Variants in AGMO observed in about 807,000 individuals in gnomAD.
AGMO encodes alkylglycerol monooxygenase.
A neutral mutation model predicts 60.2 loss-of-function variants in AGMO; 75 were observed. The observed-to-expected ratio is 1.25, with a 90% confidence interval of 1.03 to 1.51. AGMO has a LOEUF of 1.51. AGMO is among the 40% of genes most tolerant of loss of function. AGMO has a pLI of 0.00. For missense variants in AGMO, 763 were observed against 525.5 expected, an observed-to-expected ratio of 1.45 and a Z score of -4.42; for synonymous variants, 261 against 177.1, an observed-to-expected ratio of 1.47 and a Z score of -3.76.
chr7:15,387,036 G>C (rs941193224), intron 9 of AGMO, among the ~76,000 whole-genome samples: 3 of 152,122 alleles, frequency 2.0e-5, no homozygotes, highest in Admixed American at 2.0e-4. Context: ...GTTAAGTTTA[G>C]ACTGGCTCAT....
At chr7:15,419,616 G>A (rs1463594461) in intron 4 of AGMO, among the ~76,000 whole-genome samples, 6 of 151,960 alleles carry the variant, frequency 3.9e-5, no homozygotes, top group African/African-American at 7.2e-5. Flanking sequence ...TGTAAAACTC[G>A]TCTAGTTCTT....
chr7:15,491,505 A>T (rs1783065494), intron 3 of AGMO, among the ~76,000 whole-genome samples: 1 of 152,210 alleles, frequency 6.6e-6, no homozygotes. Context: ...GCCATACCAC[A>T]AAGTAAGTGC....
chr7:15,443,860 C>G (rs1050887915), intron 3 of AGMO, among the ~76,000 whole-genome samples: 2 of 152,194 alleles, frequency 1.3e-5, no homozygotes, highest in Non-Finnish European at 2.9e-5. Context: ...TTTGAACACT[C>G]TCAGCATTTT....
intron 12 of AGMO, among the ~76,000 whole-genome samples, chr7:15,273,076 T>C (rs1245182403): frequency 1.3e-5 from 2 of 152,220 alleles, no homozygotes; most frequent in East Asian, 1.9e-4. Flanking sequence ...ATTCTGTAGG[T>C]TGCCTGCTCA....
chr7:15,283,174 C>T (rs1784013992), intron 12 of AGMO, among the ~76,000 whole-genome samples: 1 of 152,074 alleles, frequency 6.6e-6, no homozygotes, highest in South Asian at 2.1e-4. Flanking sequence ...AAAACAATAA[C>T]ACAATGAAGA....
At position 15,500,028 on chromosome 7, in the gene AGMO, A is replaced by G. The variant is rs1783337299; in HGVS notation, c.409+44744T>C. Among the ~76,000 whole-genome samples the G allele has an allele frequency of 4.6e-5, 7 of 151,646 alleles. No individual in the cohort carries two copies. In the South Asian group the frequency reaches 1.5e-3, roughly 31 times the overall value. On this transcript the variant is annotated intron_variant, in intron 3 of 12. Coordinates refer to ENST00000342526, the MANE Select transcript of AGMO (RefSeq NM_001004320.2). ...TGTTTACACAGATGGATAAAGACAA[A>G]ACTAGGTATGAGTATATATGTTGTA... is the stretch of plus-strand genomic sequence containing the variant.
intron 3 of AGMO, among the ~76,000 whole-genome samples, chr7:15,496,773 T>C (rs746753057): frequency 2.6e-5 from 4 of 152,196 alleles, no homozygotes; most frequent in Non-Finnish European, 4.4e-5. Context: ...CTTACTTCAA[T>C]TGGTCAGAAA....
chr7:15,505,457 C>G (rs1376281737), intron 3 of AGMO, among the ~76,000 whole-genome samples: 1 of 151,976 alleles, frequency 6.6e-6, no homozygotes, highest in Non-Finnish European at 1.5e-5. Flanking sequence ...ACAACTAAAA[C>G]TACTCCTTGC....
In AGMO at chr7:15,213,066, T is replaced by C. The variant is rs575931978; in HGVS notation, c.1264-11707A>G. On this transcript the variant is annotated intron_variant, in intron 12 of 12. Transcript: ENST00000342526. ...AGTTCTTCCCCTCATTGGATTTAAC[T>C]TATTTTGTTCAATTATTATTGATAT... Among the ~76,000 whole-genome samples, 12 of 152,122 alleles carry C rather than the reference T, an allele frequency of 7.9e-5. No homozygotes were observed. In the East Asian group the frequency reaches 2.3e-3, roughly 29 times the overall value.
chr7:15,302,217 A>C (rs1780466182), intron 12 of AGMO, among the ~76,000 whole-genome samples: 1 of 152,178 alleles, frequency 6.6e-6, no homozygotes, highest in African/African-American at 2.4e-5. Context: ...AAGATAAACT[A>C]TTAGTTTGGT....
chr7:15,456,386 C>CT (rs756716547), intron 3 of AGMO, among the ~76,000 whole-genome samples: 2 of 151,922 alleles, frequency 1.3e-5, no homozygotes, highest in Non-Finnish European at 2.9e-5. Flanking sequence ...TTTTCAATTA[C>CT]TTTGAGTCTC....
chr7:15,363,867 C>T (rs1782858752), intron 12 of AGMO, among the ~76,000 whole-genome samples: 1 of 152,010 alleles, frequency 6.6e-6, no homozygotes, highest in African/African-American at 2.4e-5. Context: ...TATTGTCTTT[C>T]ATGCCTTAAA....
At chr7:15,320,242 C>T (rs1289505615) in intron 12 of AGMO, among the ~76,000 whole-genome samples, 1 of 151,118 alleles carries the variant, frequency 6.6e-6, no homozygotes, top group Non-Finnish European at 1.5e-5. Context: ...ACACATGTAC[C>T]CTAGAAAATA....
chr7:15,361,983 C>T (rs577744171), intron 12 of AGMO, among the ~76,000 whole-genome samples: 3 of 152,216 alleles, frequency 2.0e-5, no homozygotes, highest in South Asian at 4.1e-4. Flanking sequence ...TTTATTGCTT[C>T]ACTGACATTG....
chr7:15,327,768 G>A (rs560808916), intron 12 of AGMO, among the ~76,000 whole-genome samples: 23 of 93,122 alleles, frequency 2.5e-4, no homozygotes, highest in African/African-American at 8.2e-4. Context: ...TTTTTTTTGA[G>A]ACAAGGTCTC....
intron 12 of AGMO, among the ~76,000 whole-genome samples, chr7:15,287,173 A>G (rs1784121361): frequency 6.6e-6 from 1 of 152,158 alleles, no homozygotes; most frequent in Non-Finnish European, 1.5e-5. Flanking sequence ...TTTTACCACT[A>G]TACAATTCAT....
At chr7:15,182,022 T>C in the AGMO span, among the ~76,000 whole-genome samples, 31 of 152,170 alleles carry the variant, frequency 2.0e-4, no homozygotes, top group Non-Finnish European at 3.5e-4. Flanking sequence ...AGGAATATCA[T>C]TCAGACTTGA....
At chr7:15,504,600 T>G (rs1783464223) in intron 3 of AGMO, among the ~76,000 whole-genome samples, 1 of 151,972 alleles carries the variant, frequency 6.6e-6, no homozygotes, top group Admixed American at 6.6e-5. Context: ...TGACATGAAC[T>G]TCCGGAGGAA....
chr7:15,470,671 T>C (rs1320485845), intron 3 of AGMO, among the ~76,000 whole-genome samples: 1 of 151,956 alleles, frequency 6.6e-6, no homozygotes, highest in Admixed American at 6.6e-5. Flanking sequence ...TTAAATACTT[T>C]CCTGGTTTTT....
Sources: allele counts gnomAD v4.1 joint callset (sites outside exome capture counted in the v4.1 genomes callset), GRCh38; gene constraint gnomAD v4.1.1; transcripts MANE v1.5; gene names NCBI Gene and HGNC (gene_info 2026-07-23, HGNC 2026-07-21).